Variants in KDM4C observed in about 807,000 individuals in gnomAD.
KDM4C encodes lysine-specific demethylase 4C.
Under a neutral mutation model 129.3 loss-of-function variants are expected in KDM4C, and 81 were observed. The observed-to-expected ratio is 0.63, with a 90% CI of 0.52 to 0.75. The LOEUF (loss-of-function observed/expected upper bound fraction) is 0.75. Ranked by LOEUF, KDM4C falls within the 30% of genes least tolerant of loss-of-function variation. The pLI is 0.00. For missense variants in KDM4C, 1,457 were observed against 1,304.0 expected (o/e 1.12, Z -1.81); for synonymous variants, 573 against 456.1 (o/e 1.26, Z -3.26).
At chr9:6,914,621 A>C (rs1241370219) in intron 8 of KDM4C, among the ~76,000 whole-genome samples, 11 of 152,220 alleles carry the variant, frequency 7.2e-5, no homozygotes. Context: ...TTAGTGATGA[A>C]ACTTAAACCC....
At chr9:6,738,598 G>A (rs1817598852) in intron 1 of KDM4C, among the ~76,000 whole-genome samples, 1 of 151,930 alleles carries the variant, frequency 6.6e-6, no homozygotes, top group Non-Finnish European at 1.5e-5. Context: ...ACCACGCCCA[G>A]CTAATTTATT....
chr9:7,045,580 C>T (rs371544451), intron 15 of KDM4C, among the ~76,000 whole-genome samples: 2 of 151,976 alleles, frequency 1.3e-5, no homozygotes, highest in African/African-American at 2.4e-5. Flanking sequence ...TTCCAAAGGC[C>T]TCTAGGATAT....
At position 6,758,778 on chromosome 9, in the gene KDM4C, C is replaced by G. The variant is rs1347489174; in HGVS notation, c.-18+575C>G. The stretch of plus-strand genomic sequence containing the variant: ...TTCTTCCTGCAGTGCCTGGAGGAAC[C>G]ATGATGCGGTGTAGACGGCGGGTGC... On this transcript the variant is annotated intron_variant, in intron 1 of 21. Coordinates refer to ENST00000381309, the MANE Select transcript of KDM4C (RefSeq NM_015061.6). The surrounding 1 kb of genome is among the most constrained non-coding windows in gnomAD (Gnocchi z 4.6). Among the ~76,000 whole-genome samples, 1 of 152,244 alleles carries G rather than the reference C, an allele frequency of 6.6e-6. No homozygotes were observed. Among genetic ancestry groups the G allele is most frequent in the Non-Finnish European group, 1.5e-5 (1 of 68,044 alleles).
intron 1 of KDM4C, among the ~76,000 whole-genome samples, chr9:6,792,146 G>A (rs1826774742): frequency 1.3e-5 from 2 of 152,048 alleles, no homozygotes; most frequent in African/African-American, 2.4e-5. Flanking sequence ...TTCTAGATCA[G>A]CCTGGCTAAC....
chr9:7,040,435 T>C (rs1434886407), intron 15 of KDM4C, among the ~76,000 whole-genome samples: 1 of 150,476 alleles, frequency 6.6e-6, no homozygotes, highest in Non-Finnish European at 1.5e-5. Context: ...GTCTGTTTGT[T>C]GAAGATACTA....
rs186300790 is a variant in KDM4C, at chr9:7,113,228, C to T, written c.2610+9358C>T. On this transcript the variant is annotated intron_variant, in intron 18 of 21. Transcript: ENST00000381309. ...CACATTTTTTAAAAGAAATCCCTCA[C>T]CTTTCTATCAATAGAAGGGTTTTGT... 4.7e-3 allele frequency among the ~76,000 whole-genome samples: 710 copies of T among 152,230 alleles called. 4 individuals are homozygous for T. The highest frequency in any genetic ancestry group is 0.016 in the African/African-American group (676 of 41,522).
At chr9:6,832,967 C>G (rs1306285333) in intron 4 of KDM4C, among the ~76,000 whole-genome samples, 2 of 149,056 alleles carry the variant, frequency 1.3e-5, no homozygotes, top group African/African-American at 5.0e-5. Context: ...AACTCCTGAC[C>G]TTAGGTGATC....
chr9:7,114,276 A>G (rs1005913950), intron 18 of KDM4C, among the ~76,000 whole-genome samples: 1 of 152,268 alleles, frequency 6.6e-6, no homozygotes. Context: ...GAAATAGCTG[A>G]CATTGTGCCT....
intron 5 of KDM4C, among the ~76,000 whole-genome samples, chr9:6,876,832 T>G (rs980977748): frequency 3.3e-5 from 5 of 152,278 alleles, no homozygotes; most frequent in African/African-American, 4.8e-5. Flanking sequence ...AAGCTTTTGT[T>G]TAGCATTCTG....
At chr9:6,949,812 G>C (rs926841305) in intron 8 of KDM4C, among the ~76,000 whole-genome samples, 1 of 152,192 alleles carries the variant, frequency 6.6e-6, no homozygotes, top group Non-Finnish European at 1.5e-5. Context: ...GCTTCGGCTC[G>C]GCATCAGAGG....
intron 3 of KDM4C, among the ~76,000 whole-genome samples, chr9:6,805,984 C>G (rs1019037289): frequency 6.6e-6 from 1 of 152,122 alleles, no homozygotes; most frequent in Admixed American, 6.5e-5. Flanking sequence ...TTATCTCGTT[C>G]CTAGCAGTTA....
At chr9:6,746,244 C>CATTATATAT (rs1458945496) in intron 1 of KDM4C, among the ~76,000 whole-genome samples, 16 of 116,638 alleles carry the variant, frequency 1.4e-4, no homozygotes, top group Admixed American at 1.2e-3. Flanking sequence ...CCCAGCCAGC[C>CATTATATAT]ATTATATATA....
chr9:7,157,749 G>A (rs1267895263), intron 19 of KDM4C, among the ~76,000 whole-genome samples: 1 of 152,106 alleles, frequency 6.6e-6, no homozygotes, highest in African/African-American at 2.4e-5. Context: ...TGCTGGATTC[G>A]GTTTGCCAGT....
Position 6,893,120 on chromosome 9 carries a change from T to C in KDM4C, c.809T>C (p.Met270Thr). ...ATAACCCAGGAGGCTGGAGAATTCA[T>C]GATCACTTTCCCATATGGCTACCAT... ...DKITQEAGEF[M>T]ITFPYGYHAG... is the part of the protein sequence containing the mutation. Residue 270 changes from methionine to threonine, a missense_variant, in exon 8 of 22, where the codon ATG becomes ACG. By Grantham distance (81) the Met-to-Thr change is moderately conservative. Transcript: ENST00000381309. 3.8e-6 allele frequency: 6 copies of C among 1,593,086 alleles called. No individual in the cohort carries two copies. Among genetic ancestry groups the C allele is most frequent in the Non-Finnish European group, 5.1e-6 (6 of 1,169,420 alleles).
chr9:6,835,424 T>C (rs1835706287), intron 4 of KDM4C: 2 of 1,169,440 alleles, frequency 1.7e-6, no homozygotes, highest in Non-Finnish European at 1.3e-6. Flanking sequence ...CCCAGCACGA[T>C]GAAGATCAAG....
intron 8 of KDM4C, among the ~76,000 whole-genome samples, chr9:6,919,064 A>C (rs1589103496): frequency 6.6e-6 from 1 of 151,926 alleles, no homozygotes; most frequent in Admixed American, 6.6e-5. Flanking sequence ...TCTTGGCCAG[A>C]CTGGTCTTGA....
rs1427649103 is a variant in KDM4C at position 6,844,261 on chromosome 9, T to C, written c.436-5246T>C. On this transcript the variant is annotated intron_variant, in intron 4 of 21. Coordinates refer to ENST00000381309, the MANE Select transcript of KDM4C (RefSeq NM_015061.6). ...CTTCATTTACAAATATCTTTTGTTT[T>C]AAGTTTTTCTAATTTACACTATTTT... Among the ~76,000 whole-genome samples the C allele has an allele frequency of 2.0e-5, 3 of 151,660 alleles. No homozygotes were observed. The East Asian group carries it at 5.9e-4, about 30-fold the overall frequency.
chr9:6,902,281 C>T (rs1222082600), intron 8 of KDM4C, among the ~76,000 whole-genome samples: 6 of 152,044 alleles, frequency 3.9e-5, no homozygotes, highest in Admixed American at 1.3e-4. Context: ...AGTAAACATG[C>T]CCAGTAGTAC....
At chr9:6,878,592 C>G (rs1027712802) in intron 5 of KDM4C, among the ~76,000 whole-genome samples, 1 of 152,152 alleles carries the variant, frequency 6.6e-6, no homozygotes, top group Admixed American at 6.5e-5. Context: ...ATAAGGATAG[C>G]TAAATTTTCT....
Sources: allele counts gnomAD v4.1 joint callset (sites outside exome capture counted in the v4.1 genomes callset), GRCh38; gene constraint gnomAD v4.1.1; non-coding constraint Gnocchi (gnomAD v3.1); transcripts MANE v1.5; gene names NCBI Gene and HGNC (gene_info 2026-07-23, HGNC 2026-07-21).